PHYHIPL: variants seen among roughly 807,000 people sequenced by gnomAD.
The protein encoded by PHYHIPL is phytanoyl-CoA 2-hydroxylase interacting protein like.
PHYHIPL carries 9 observed loss-of-function variants against 33.4 expected under a neutral mutation model. That is an observed-to-expected ratio of 0.27 (90% CI 0.16 to 0.47). PHYHIPL has a LOEUF of 0.47. PHYHIPL is among the 20% of genes least tolerant of loss of function. The pLI is 0.99. For missense variants in PHYHIPL, 365 were observed against 460.7 expected (o/e 0.79, Z 1.90); for synonymous variants, 153 against 154.1 (o/e 0.99, Z 0.05).
intron 1 of PHYHIPL, among the ~76,000 whole-genome samples, chr10:59,224,497 A>AAACAAAACAAAACACAACAC (rs370140471): frequency 1.4e-5 from 1 of 70,410 alleles, no homozygotes; most frequent in Non-Finnish European, 3.8e-5. Context: ...AAACAAAACA[A>AAACAAAACAAAACACAACAC]AAAACAAAAC....
At chr10:59,187,559 C>T (rs902914346) in intron 1 of PHYHIPL, among the ~76,000 whole-genome samples, 3 of 152,140 alleles carry the variant, frequency 2.0e-5, no homozygotes, top group Admixed American at 6.6e-5. Flanking sequence ...CCTGCTTGTA[C>T]CTCTGGTAGA....
chr10:59,188,896 C>T (rs1311510310), intron 1 of PHYHIPL, among the ~76,000 whole-genome samples: 1 of 152,020 alleles, frequency 6.6e-6, no homozygotes, highest in African/African-American at 2.4e-5. Context: ...ATACAGCACA[C>T]TGACAGGCCC....
rs911736460 is a variant in PHYHIPL, at chr10:59,224,509, A to C, written c.107-9795A>C. Among the ~76,000 whole-genome samples the C allele has an allele frequency of 1.7e-4, 25 of 145,116 alleles. No homozygotes were observed. The South Asian group carries it at 2.8e-3, about 16-fold the overall frequency. ...ACAAAACAAAACAAAAAACAAAACA[A>C]AAAACAAAACAAAACAGAAGAGCAA... is the stretch of plus-strand genomic sequence containing the variant. On this transcript the variant is annotated intron_variant, in intron 1 of 4. Coordinates refer to ENST00000373880, the MANE Select transcript of PHYHIPL (RefSeq NM_032439.4).
chr10:59,211,246 T>C (rs111346563), intron 1 of PHYHIPL, among the ~76,000 whole-genome samples: 9 of 151,924 alleles, frequency 5.9e-5, no homozygotes, highest in African/African-American at 2.2e-4. Context: ...AGCATGTTGC[T>C]GTGTACCTGT....
chr10:59,197,383 C>T (rs576581041), intron 1 of PHYHIPL, among the ~76,000 whole-genome samples: 2 of 152,270 alleles, frequency 1.3e-5, no homozygotes, highest in African/African-American at 4.8e-5. Context: ...AAACCTTAAA[C>T]CTTAATTCAA....
chr10:59,219,813 G>A (rs934031861), intron 1 of PHYHIPL, among the ~76,000 whole-genome samples: 2 of 152,212 alleles, frequency 1.3e-5, no homozygotes, highest in East Asian at 1.9e-4. Flanking sequence ...TTAGAATCAT[G>A]TAGTAATTTC....
chr10:59,234,446 T>C lies in PHYHIPL; in HGVS notation c.249T>C (p.Tyr83=), dbSNP rs1453655192. 2.5e-6 allele frequency: 4 copies of C among 1,591,154 alleles called. No homozygotes were observed. In the African/African-American group the frequency reaches 4.1e-5, roughly 16 times the overall value. The part of the protein sequence containing the change: ...DSKSKDRITH[Y]FIDLNKKENK... Reference sequence around the variant, plus strand: ...AATCAAAGGATCGCATTACACACTATTTTATTGACCTCAACAAGAAAGAGA... The same window carrying C: ...AATCAAAGGATCGCATTACACACTACTTTATTGACCTCAACAAGAAAGAGA... Residue 83 remains tyrosine, a synonymous_variant, in exon 2 of 5, where the codon TAT becomes TAC. Transcript: ENST00000373880.
intron 1 of PHYHIPL, among the ~76,000 whole-genome samples, chr10:59,179,842 TACACAC>T (rs147836305): frequency 0.12 from 15,752 of 134,698 alleles, 922 homozygotes; most frequent in African/African-American, 0.16. Context: ...GCAAGACAGT[TACACAC>T]ACACACACAC....
intron 1 of PHYHIPL, among the ~76,000 whole-genome samples, chr10:59,213,199 T>A (rs1039948854): frequency 6.6e-6 from 1 of 152,156 alleles, no homozygotes; most frequent in Admixed American, 6.6e-5. Flanking sequence ...TTTTCTCCAA[T>A]GCACTTTCTT....
intron 1 of PHYHIPL, among the ~76,000 whole-genome samples, chr10:59,225,882 T>C (rs1839908641): frequency 6.6e-6 from 1 of 151,734 alleles, no homozygotes; most frequent in Admixed American, 6.6e-5. Context: ...AGGTCTTCCA[T>C]ATGATGAAAA....
chr10:59,223,749 C>T (rs555277866), intron 1 of PHYHIPL, among the ~76,000 whole-genome samples: 2 of 152,044 alleles, frequency 1.3e-5, no homozygotes, highest in South Asian at 2.1e-4. Context: ...GCCTTGACCT[C>T]CCCCGGGTCA....
intron 1 of PHYHIPL, among the ~76,000 whole-genome samples, chr10:59,194,333 T>C (rs889003966): frequency 1.3e-5 from 2 of 152,182 alleles, no homozygotes; most frequent in East Asian, 1.9e-4. Context: ...ACCCTCATAA[T>C]AGTTTCAAGA....
At chr10:59,177,587 A>ATATATGTGCTG in intron 1 of PHYHIPL, 1 of 1,551,640 alleles carries the variant, frequency 6.4e-7, no homozygotes, top group Non-Finnish European at 8.7e-7. Context: ...TATTGGCCTA[A>ATATATGTGCTG]TATATGTGCT....
At chr10:59,192,614 C>A (rs577111058) in intron 1 of PHYHIPL, among the ~76,000 whole-genome samples, 1 of 152,174 alleles carries the variant, frequency 6.6e-6, no homozygotes, top group African/African-American at 2.4e-5. Flanking sequence ...GAGAGTGTAA[C>A]TACCTAAATG....
intron 1 of PHYHIPL, among the ~76,000 whole-genome samples, chr10:59,198,101 C>T (rs899678183): frequency 3.9e-5 from 6 of 152,078 alleles, no homozygotes; most frequent in Admixed American, 6.6e-5. Context: ...ACGTGCACAA[C>T]GTGCTGGTTT....
At position 59,205,301 on chromosome 10, in the gene PHYHIPL, G is replaced by A. The variant is rs372641326; in HGVS notation, c.106+28342G>A. 1.6e-3 allele frequency among the ~76,000 whole-genome samples: 238 copies of A among 152,110 alleles called. 1 individual carries two copies. Among genetic ancestry groups the A allele is most frequent in the South Asian group, 0.015 (72 of 4,824 alleles). ...TCATGTGACATTCTAGATCATGAAC[G>A]TGAGATTGATTATGTGTGGGTTGGC... On this transcript the variant is annotated intron_variant, in intron 1 of 4. Transcript: ENST00000373880.
At chr10:59,206,837 G>A (rs1168222366) in intron 1 of PHYHIPL, 5 of 1,163,374 alleles carry the variant, frequency 4.3e-6, no homozygotes, top group South Asian at 1.7e-5. Context: ...CATTTTAAGT[G>A]ATTAACTGTA....
rs1453831398 is a variant in PHYHIPL, at chr10:59,234,462, A to C, written c.265A>C (p.Lys89Gln). The change falls in exon 2 of 5, where the codon AAG becomes CAG. Residue 89 changes from lysine to glutamine, a missense_variant. By Grantham distance (53) the Lys-to-Gln change is moderately conservative. Coordinates refer to ENST00000373880, the MANE Select transcript of PHYHIPL (RefSeq NM_032439.4). ...TACACACTATTTTATTGACCTCAACAAGAAAGAGAACAAGAACTCCAATAA... is the reference window on the plus strand; with the variant it reads ...TACACACTATTTTATTGACCTCAACCAGAAAGAGAACAAGAACTCCAATAA... Reference protein sequence around the residue: ...RITHYFIDLNKKENKNSNKFK... With the variant: ...RITHYFIDLNQKENKNSNKFK... 6.4e-7 allele frequency: 1 copy of C among 1,571,328 alleles called. No individual in the cohort carries two copies. The highest frequency in any genetic ancestry group is 2.1e-5 in the Admixed American group (1 of 47,106).
intron 1 of PHYHIPL, among the ~76,000 whole-genome samples, chr10:59,218,787 A>G (rs1427412325): frequency 6.6e-6 from 1 of 152,076 alleles, no homozygotes; most frequent in Non-Finnish European, 1.5e-5. Context: ...TCTCTTTAGA[A>G]AAAAGAATAC....
Sources: allele counts gnomAD v4.1 joint callset (sites outside exome capture counted in the v4.1 genomes callset), GRCh38; gene constraint gnomAD v4.1.1; transcripts MANE v1.5; gene names NCBI Gene and HGNC (gene_info 2026-07-23, HGNC 2026-07-21).